The following ZSCAN5A variants were observed in gnomAD, a reference collection of about 807,000 sequenced individuals.
ZSCAN5A encodes zinc finger and SCAN domain containing 5A, also known as zinc finger and SCAN domain-containing protein 5A.
Under a neutral mutation model 23.7 loss-of-function variants are expected in ZSCAN5A, and 12 were observed. The observed-to-expected ratio is 0.51, with a 90% CI of 0.32 to 0.82. The LOEUF is 0.82. Ranked by LOEUF, ZSCAN5A falls within the 40% of genes least tolerant of loss-of-function variation. ZSCAN5A has a pLI of 0.03. For synonymous variants in ZSCAN5A, 257 were observed against 239.9 expected (o/e 1.07, Z -0.66); for missense variants, 597 against 617.9 (o/e 0.97, Z 0.36).
chr19:56,357,793 G>T (rs1355496039), intron 2 of ZSCAN5A, among the ~76,000 whole-genome samples: 1 of 147,620 alleles, frequency 6.8e-6, no homozygotes, highest in African/African-American at 2.6e-5. Context: ...TGGGCTAAAT[G>T]CCCCCAGTAA....
chr19:56,269,916 G>A (rs552930322), intron 2 of ZSCAN5A, among the ~76,000 whole-genome samples: 3 of 152,246 alleles, frequency 2.0e-5, no homozygotes, highest in East Asian at 1.9e-4. Flanking sequence ...AATCTATGTC[G>A]TCTTAAGTCA....
Position 56,225,048 on chromosome 19 carries a change from T to C in ZSCAN5A, c.-2A>G, listed in dbSNP as rs759416767. The stretch of plus-strand genomic sequence containing the variant: ...TGAGGATGTGCAATTTGCAGCCATA[T>C]CTAGTGGAGAATTTTTTAATCAGTC... On this transcript the variant is annotated 5_prime_UTR_variant, in exon 3 of 6. Transcript: ENST00000683990. 10 of 1,578,520 alleles carry C rather than the reference T, an allele frequency of 6.3e-6. No individual in the cohort carries two copies. The African/African-American group carries it at 8.1e-5, about 13-fold the overall frequency.
intron 2 of ZSCAN5A, among the ~76,000 whole-genome samples, chr19:56,273,238 G>A (rs1600148678): frequency 6.6e-6 from 1 of 152,198 alleles, no homozygotes. Context: ...TCATGGGACT[G>A]TTGCATGTCA....
At chr19:56,330,755 T>TA (rs2041481460) in intron 2 of ZSCAN5A, among the ~76,000 whole-genome samples, 2 of 152,220 alleles carry the variant, frequency 1.3e-5, no homozygotes, top group African/African-American at 2.4e-5. Flanking sequence ...AGTTTTTGAA[T>TA]ATTTTCTCCC....
chr19:56,301,112 T>A (rs910137905), intron 2 of ZSCAN5A, among the ~76,000 whole-genome samples: 5 of 152,112 alleles, frequency 3.3e-5, no homozygotes, highest in African/African-American at 1.2e-4. Context: ...TTCTTGAATC[T>A]CGTGCAAGAA....
intron 2 of ZSCAN5A, among the ~76,000 whole-genome samples, chr19:56,296,862 C>T (rs575064094): frequency 2.6e-5 from 4 of 152,134 alleles, no homozygotes; most frequent in African/African-American, 7.2e-5. Flanking sequence ...GGTGAAACTC[C>T]GTCTCTACTA....
At chr19:56,224,434 T>G (rs2033683212) in intron 3 of ZSCAN5A, 1 of 672,772 alleles carries the variant, frequency 1.5e-6, no homozygotes, top group African/African-American at 1.8e-5. Flanking sequence ...GATGATTATT[T>G]GTCATGATGG....
intron 2 of ZSCAN5A, among the ~76,000 whole-genome samples, chr19:56,232,387 G>T (rs1459752533): frequency 6.6e-6 from 1 of 151,984 alleles, no homozygotes; most frequent in Non-Finnish European, 1.5e-5. Flanking sequence ...CCATGTTCTT[G>T]GGTGTTATCA....
chr19:56,301,929 A>T, intron 2 of ZSCAN5A: 1 of 1,231,992 alleles, frequency 8.1e-7, no homozygotes, highest in East Asian at 3.2e-5. Context: ...GCAGGAAGGG[A>T]AGGCCATCAG....
intron 2 of ZSCAN5A, among the ~76,000 whole-genome samples, chr19:56,330,692 G>C (rs1259947029): frequency 6.6e-6 from 1 of 151,974 alleles, no homozygotes; most frequent in Non-Finnish European, 1.5e-5. Context: ...ATTTTTGCTT[G>C]TTTAGTTGTT....
intron 2 of ZSCAN5A, among the ~76,000 whole-genome samples, chr19:56,359,360 C>G (rs1160823622): frequency 6.6e-6 from 1 of 152,142 alleles, no homozygotes; most frequent in Non-Finnish European, 1.5e-5. Flanking sequence ...CACATACACC[C>G]TCCCAAGACT....
chr19:56,311,893 GATA>G (rs1158006464), intron 2 of ZSCAN5A: 2 of 152,052 alleles, frequency 1.3e-5, no homozygotes, highest in Admixed American at 1.3e-4. Context: ...TTCTAAATAA[GATA>G]ATATTTCTAA....
chr19:56,303,244 C>A (rs1210543733), intron 2 of ZSCAN5A, among the ~76,000 whole-genome samples: 2 of 152,104 alleles, frequency 1.3e-5, no homozygotes, highest in African/African-American at 4.8e-5. Flanking sequence ...CTGTGGGAGG[C>A]TGAGGCGGCT....
At chr19:56,240,735 T>C (rs1316547549) in intron 2 of ZSCAN5A, among the ~76,000 whole-genome samples, 1 of 152,204 alleles carries the variant, frequency 6.6e-6, no homozygotes, top group Non-Finnish European at 1.5e-5. Context: ...AACTTTCTCA[T>C]CATGGGTAGG....
chr19:56,342,671 TC>T, intron 2 of ZSCAN5A: 1 of 559,530 alleles, frequency 1.8e-6, no homozygotes, highest in Non-Finnish European at 3.4e-6. Flanking sequence ...CCAGTAGGAG[TC>T]CCCACGGGTG....
intron 2 of ZSCAN5A, among the ~76,000 whole-genome samples, chr19:56,336,803 G>T (rs181016666): frequency 6.6e-5 from 10 of 152,290 alleles, no homozygotes; most frequent in Admixed American, 6.5e-4. Flanking sequence ...CCTTCTAACA[G>T]TCAGGACCCT....
At chr19:56,222,868 T>A in intron 4 of ZSCAN5A, 127 bp from the exon 5 acceptor site, 1 of 1,323,064 alleles carries the variant, frequency 7.6e-7, no homozygotes, top group Non-Finnish European at 1.1e-6. Flanking sequence ...ACGTGCAGAC[T>A]TCCCCTGGAC....
At chr19:56,230,636 T>TAC (rs745913210) in intron 2 of ZSCAN5A, among the ~76,000 whole-genome samples, 11,111 of 151,002 alleles carry the variant, frequency 0.074, 562 homozygotes, top group Non-Finnish European at 0.11. Flanking sequence ...TGTGTGTGTG[T>TAC]GTGTGTGTGT....
intron 2 of ZSCAN5A, among the ~76,000 whole-genome samples, chr19:56,335,841 T>G (rs1478936817): frequency 6.6e-6 from 1 of 152,078 alleles, no homozygotes; most frequent in Non-Finnish European, 1.5e-5. Flanking sequence ...CTTTCACTTA[T>G]GAAGCTTAGT....
Sources: gnomAD v4.1 joint callset for allele counts (sites outside exome capture counted in the v4.1 genomes callset) on GRCh38, gnomAD v4.1.1 for gene constraint, MANE v1.5 for transcripts, NCBI Gene and HGNC (gene_info 2026-07-23, HGNC 2026-07-21) for gene names.